TLK1: variants seen among roughly 807,000 people sequenced by gnomAD.
TLK1 encodes the protein tousled like kinase 1.
Under a neutral mutation model 105.3 loss-of-function variants are expected in TLK1, and 24 were observed. That is an observed-to-expected ratio of 0.23 (90% CI 0.17 to 0.32). TLK1 has a LOEUF of 0.32. Among genes scored for constraint, TLK1 ranks in the 10% least tolerant of loss-of-function variants. The pLI is 1.00. For missense variants in TLK1, 558 were observed against 910.5 expected (o/e 0.61, Z 4.98); for synonymous variants, 321 against 310.4 (o/e 1.03, Z -0.36).
intron 3 of TLK1, among the ~76,000 whole-genome samples, chr2:171,061,764 T>C (rs1165529799): frequency 6.6e-6 from 1 of 152,222 alleles, no homozygotes; most frequent in Non-Finnish European, 1.5e-5. Context: ...GATCGAACCA[T>C]AGCTTTCACA....
At chr2:171,109,917 T>C (rs1032730901) in intron 2 of TLK1, among the ~76,000 whole-genome samples, 4 of 152,166 alleles carry the variant, frequency 2.6e-5, no homozygotes, top group African/African-American at 7.2e-5. Flanking sequence ...GTATATGGAA[T>C]CCAAGTACAG....
At chr2:171,149,099 C>CTTTTTTTTTTTT (rs11335300) in intron 1 of TLK1, among the ~76,000 whole-genome samples, 2 of 57,888 alleles carry the variant, frequency 3.5e-5, no homozygotes, top group African/African-American at 7.3e-5. Flanking sequence ...AATTACTTTT[C>CTTTTTTTTTTTT]TTTTTTTTTT....
At chr2:171,123,499 G>A (rs1011253525) in intron 1 of TLK1, among the ~76,000 whole-genome samples, 4 of 152,168 alleles carry the variant, frequency 2.6e-5, no homozygotes, top group African/African-American at 9.6e-5. Flanking sequence ...CACCACGCCT[G>A]GCCTCATCTG....
chr2:171,195,219 T>C (rs889672557), intron 1 of TLK1, among the ~76,000 whole-genome samples: 1 of 151,820 alleles, frequency 6.6e-6, no homozygotes, highest in African/African-American at 2.4e-5. Context: ...TAAAACATAA[T>C]CCGGCCGGGC....
chr2:171,217,489 T>C (rs1350592112), intron 1 of TLK1, among the ~76,000 whole-genome samples: 7 of 152,146 alleles, frequency 4.6e-5, no homozygotes, highest in Admixed American at 4.6e-4. Flanking sequence ...TTCCATTTCC[T>C]TGCCCCCCTC....
intron 1 of TLK1, among the ~76,000 whole-genome samples, chr2:171,130,334 G>A (rs192425867): frequency 3.5e-4 from 53 of 152,162 alleles, no homozygotes; most frequent in Non-Finnish European, 6.6e-4. Context: ...CCCAGGAGGC[G>A]GAGGCTGCAG....
At chr2:171,104,014 A>G (rs1047542360) in intron 2 of TLK1, among the ~76,000 whole-genome samples, 1 of 152,222 alleles carries the variant, frequency 6.6e-6, no homozygotes, top group Non-Finnish European at 1.5e-5. Context: ...TCTGGCTGGG[A>G]GCAGTGGCTC....
chr2:171,088,905 C>T (rs1170883920), intron 2 of TLK1, among the ~76,000 whole-genome samples: 1 of 152,182 alleles, frequency 6.6e-6, no homozygotes, highest in African/African-American at 2.4e-5. Flanking sequence ...CATGAAATAG[C>T]TCAAACACAG....
At chr2:171,035,700 TAA>T (rs1390339360) in intron 11 of TLK1, among the ~76,000 whole-genome samples, 1 of 152,112 alleles carries the variant, frequency 6.6e-6, no homozygotes, top group South Asian at 2.1e-4. Flanking sequence ...CAGCTGACAG[TAA>T]AACAGGGAGT....
intron 4 of TLK1, chr2:171,059,804 C>A: frequency 1.4e-6 from 1 of 698,778 alleles, no homozygotes; most frequent in Non-Finnish European, 2.6e-6. Flanking sequence ...GAGTGCATAA[C>A]CTGGATCCCT....
At chr2:171,204,327 G>C (rs1170980819) in intron 1 of TLK1, among the ~76,000 whole-genome samples, 1 of 152,204 alleles carries the variant, frequency 6.6e-6, no homozygotes, top group East Asian at 1.9e-4. Flanking sequence ...AACGATCTAA[G>C]TTGGAACCCC....
chr2:171,077,949 T>A (rs1466239831), intron 3 of TLK1, among the ~76,000 whole-genome samples: 1 of 152,190 alleles, frequency 6.6e-6, no homozygotes, highest in Non-Finnish European at 1.5e-5. Context: ...CTTGGAAGAA[T>A]CGCAGGGGAC....
chr2:171,164,279 T>A (rs146244379), upstream of TLK1, among the ~76,000 whole-genome samples: 36 of 152,314 alleles, frequency 2.4e-4, no homozygotes, highest in African/African-American at 8.7e-4. Context: ...GAAAATGGAA[T>A]GTCATGCCAT....
Position 171,035,646 on chromosome 2 carries a change from G to A in TLK1, c.1170-7241C>T, listed in dbSNP as rs1686293606. The stretch of plus-strand genomic sequence containing the variant: ...ACATGTCAATGTATTAGGTTATAAA[G>A]AAAAGGAAAATTAAGGGTAGCAGGT... On this transcript the variant is annotated intron_variant, in intron 11 of 20. Transcript: ENST00000431350. 2.0e-5 allele frequency among the ~76,000 whole-genome samples: 3 copies of A among 152,122 alleles called. No individual in the cohort carries two copies. In the East Asian group the frequency reaches 5.8e-4, roughly 29 times the overall value.
At chr2:171,189,270 G>A (rs909340696) in intron 1 of TLK1, among the ~76,000 whole-genome samples, 1 of 150,734 alleles carries the variant, frequency 6.6e-6, no homozygotes, top group Non-Finnish European at 1.5e-5. Context: ...GGATTCAAGC[G>A]ATTCTCCTGC....
At chr2:171,073,963 T>C (rs1367160231) in intron 3 of TLK1, among the ~76,000 whole-genome samples, 5 of 144,670 alleles carry the variant, frequency 3.5e-5, no homozygotes, top group Admixed American at 2.1e-4. Flanking sequence ...CAATCTCGGC[T>C]CACTGCAACC....
chr2:171,000,677 G>A (rs1406862506), intron 18 of TLK1, among the ~76,000 whole-genome samples: 10 of 152,076 alleles, frequency 6.6e-5, no homozygotes, highest in Non-Finnish European at 1.5e-4. Context: ...GATGAAAGGG[G>A]AGGCAGACAC....
At position 170,997,801 on chromosome 2, in the gene TLK1, C is replaced by T; in HGVS notation, c.1927G>A (p.Val643Ile). 6.2e-7 allele frequency: 1 copy of T among 1,610,174 alleles called. No individual in the cohort carries two copies. Among genetic ancestry groups the T allele is most frequent in the Non-Finnish European group, 8.5e-7 (1 of 1,177,752 alleles). The change falls in exon 19 of 21, where the codon GTA (valine) becomes ATA (isoleucine). Residue 643 changes from valine to isoleucine, a missense_variant. Val to Ile is a conservative substitution (Grantham distance 29, BLOSUM62 3). Around this residue, in one of 5 missense-constraint regions of TLK1, gnomAD observed 218 missense variants for 492.9 expected, o/e 0.44. Transcript: ENST00000431350. ...ATCTTTGGTGGCTCTTTTCCAACTA[C>T]AAAACACTCAGGAGGTAAATACCTG... ...TYWYLPPECF[V>I]VGKEPPKISN...
At chr2:171,090,904 C>T (rs1689199356) in intron 2 of TLK1, among the ~76,000 whole-genome samples, 1 of 152,086 alleles carries the variant, frequency 6.6e-6, no homozygotes, top group South Asian at 2.1e-4. Context: ...AATTAATTTC[C>T]TCAGTCGCAC....
Sources: gnomAD v4.1 joint callset for allele counts (sites outside exome capture counted in the v4.1 genomes callset) on GRCh38, gnomAD v4.1.1 for gene constraint, gnomAD v4.1.1 regional missense constraint, MANE v1.5 for transcripts, NCBI Gene and HGNC (gene_info 2026-07-23, HGNC 2026-07-21) for gene names.